MYCBPAP: variants seen among roughly 807,000 people sequenced by gnomAD.
MYCBPAP encodes the protein MYCBP-associated protein.
MYCBPAP carries 60 observed loss-of-function variants against 106.1 expected under a neutral mutation model. That is an observed-to-expected ratio of 0.57 (90% CI 0.46 to 0.70). The LOEUF is 0.70. MYCBPAP is among the 30% of genes least tolerant of loss of function. The pLI, the probability that MYCBPAP is intolerant of heterozygous loss-of-function variation, is 0.00. For missense variants in MYCBPAP, 1,064 were observed against 1,169.3 expected (o/e 0.91, Z 1.31); for synonymous variants, 407 against 440.6 (o/e 0.92, Z 0.95).
chr17:50,519,125 G>C lies in MYCBPAP; in HGVS notation c.768+36G>C, dbSNP rs199740955. On this transcript the variant is annotated intron_variant, in intron 6 of 18. Coordinates refer to ENST00000323776, the MANE Select transcript of MYCBPAP (RefSeq NM_032133.6). Reference sequence around the variant, plus strand: ...CTGTCCTAAGTGCCCGGGGGCAGGGGGGTCCATGGAGGAGGGGGCGGGGGC... The same window carrying C: ...CTGTCCTAAGTGCCCGGGGGCAGGGCGGTCCATGGAGGAGGGGGCGGGGGC... 4.6e-5 allele frequency: 70 copies of C among 1,511,310 alleles called. No individual in the cohort carries two copies. In the African/African-American group the frequency reaches 7.1e-4, roughly 15 times the overall value. The allele number at this position is 1,511,310 out of a possible 1,614,324, so 93.6% of individuals were successfully genotyped here.
intron 4 of MYCBPAP, among the ~76,000 whole-genome samples, chr17:50,518,043 C>T (rs2034116659): frequency 1.3e-5 from 2 of 152,262 alleles, no homozygotes; most frequent in Admixed American, 1.3e-4. Context: ...TTTCCCTTCT[C>T]TGGAGACTGG....
chr17:50,528,917 G>T (rs1597850711), intron 17 of MYCBPAP, 77 bp downstream of exon 17: 2 of 1,599,652 alleles, frequency 1.3e-6, no homozygotes, highest in East Asian at 4.5e-5. Flanking sequence ...GGCTGTGGAG[G>T]TGGGCATGTG....
chr17:50,508,499 A>T lies in MYCBPAP; in HGVS notation c.-176A>T, dbSNP rs1332647132. ...CGGCGGCGGGCGCGTGCGCGGCCCG[A>T]TGAAGAAGGAGGTTTCCAAGCCGTC... On this transcript the variant is annotated 5_prime_UTR_variant, in exon 1 of 19. An upstream start codon of the reference 5' UTR is lost. Transcript: ENST00000323776. The T allele has an allele frequency of 1.3e-6, 2 of 1,511,560 alleles. No homozygotes were observed. The highest frequency in any genetic ancestry group is 1.4e-5 in the African/African-American group (1 of 70,296). 93.6% of individuals were successfully genotyped at this position (1,511,560 alleles called of 1,614,324 possible). A position where few individuals can be genotyped will look rare whatever the true frequency, so the allele number is the denominator to read the frequency against.
Position 50,531,356 on chromosome 17 carries a change from T to G in MYCBPAP, c.2754T>G (p.Thr918=), listed in dbSNP as rs1064055. 2.4e-5 allele frequency: 38 copies of G among 1,612,590 alleles called. No homozygotes were observed. The highest frequency in any genetic ancestry group is 3.1e-5 in the Non-Finnish European group (36 of 1,179,448). ...EVRGLLDTLV[T]DLMVLADELS... ...GTGGGCTGCTGGACACCCTGGTGAC[T>G]GACCTGATGGTCCTGGCTGATGAGC... Residue 918 remains threonine (T), a synonymous_variant, in exon 19 of 19, where the codon ACT becomes ACG. Coordinates refer to ENST00000323776, the MANE Select transcript of MYCBPAP (RefSeq NM_032133.6).
intron 1 of MYCBPAP, among the ~76,000 whole-genome samples, chr17:50,513,824 T>C (rs1167071434): frequency 3.3e-5 from 5 of 152,194 alleles, no homozygotes; most frequent in East Asian, 1.9e-4. Context: ...CCACCCACTT[T>C]GGTGAGTTTG....
intron 13 of MYCBPAP, among the ~76,000 whole-genome samples, chr17:50,525,499 T>A (rs1413369644): frequency 6.6e-6 from 1 of 152,064 alleles, no homozygotes; most frequent in Non-Finnish European, 1.5e-5. Context: ...TTTATTTTTT[T>A]AAGAAATAGC....
At chr17:50,519,618 C>T in intron 6 of MYCBPAP, 22 bp from the exon 7 acceptor site, 1 of 1,613,626 alleles carries the variant, frequency 6.2e-7, no homozygotes, top group Non-Finnish European at 8.5e-7. Flanking sequence ...GGTAATCTGA[C>T]TCACCTTTCC....
At chr17:50,508,248 C>A (rs945830042), upstream of MYCBPAP, 4 of 331,208 alleles carry the variant, frequency 1.2e-5, no homozygotes, top group African/African-American at 6.6e-5. Flanking sequence ...GACGCCCCAC[C>A]CGCCCCCCGT....
chr17:50,516,344 G>A (rs574675541), intron 1 of MYCBPAP, among the ~76,000 whole-genome samples: 7 of 152,284 alleles, frequency 4.6e-5, no homozygotes, highest in South Asian at 2.1e-4. Context: ...TAGTCACTGT[G>A]GTGAGCCAGG....
Position 50,508,594 on chromosome 17 carries a change from C to G in MYCBPAP, c.-81C>G. On this transcript the variant is annotated 5_prime_UTR_variant, in exon 1 of 19. Transcript: ENST00000323776. ...CGGTTGCTGTGGACGCAGTGGCGGC[C>G]GTTGGCTGGCGGGTGCGGCGCAGCC... The G allele has an allele frequency of 6.4e-7, 1 of 1,557,014 alleles. No individual in the cohort carries two copies. Among genetic ancestry groups the G allele is most frequent in the South Asian group, 1.2e-5 (1 of 86,272 alleles).
At chr17:50,519,217 A>G in intron 6 of MYCBPAP, 128 bp downstream of exon 6, 1 of 651,872 alleles carries the variant, frequency 1.5e-6, no homozygotes, top group Non-Finnish European at 2.7e-6. Flanking sequence ...TATCCATTGC[A>G]AAACATCATT....
rs34394477 is a variant in MYCBPAP, at chr17:50,519,706, A to G, written c.835A>G (p.Met279Val). The change falls in exon 7 of 19, where the codon ATG becomes GTG. Residue 279 changes from methionine to valine, a missense_variant. Coordinates refer to ENST00000323776, the MANE Select transcript of MYCBPAP (RefSeq NM_032133.6). ...YLGDEMTGLV[M>V]TKTKTQRGLM... ...GGGAGATGAGATGACAGGTCTGGTC[A>G]TGACCAAGACAAAAACTCAGCGTGG... The G allele has an allele frequency of 1.5e-4, 244 of 1,614,202 alleles. No individual in the cohort carries two copies. In the African/African-American group the frequency reaches 3.0e-3, roughly 20 times the overall value.
upstream of MYCBPAP, chr17:50,508,400 C>T: frequency 1.5e-6 from 1 of 689,162 alleles, no homozygotes; most frequent in South Asian, 2.3e-5. Context: ...CGTCACGGCG[C>T]TCGTCGGCGC....
At chr17:50,519,904 G>A (rs1252198032) in intron 7 of MYCBPAP, 117 bp downstream of exon 7, 3 of 1,176,104 alleles carry the variant, frequency 2.6e-6, no homozygotes, top group Non-Finnish European at 3.5e-6. Context: ...TTTCTCTGTG[G>A]TTCTCTGGGG....
At chr17:50,512,179 G>A (rs572587439) in intron 1 of MYCBPAP, among the ~76,000 whole-genome samples, 27 of 150,720 alleles carry the variant, frequency 1.8e-4, no homozygotes, top group African/African-American at 5.1e-4. Flanking sequence ...TCAGCCTCCC[G>A]AGTAGCTGGG....
In MYCBPAP at chr17:50,525,768, G is replaced by A; in HGVS notation, c.1783-113G>A. The A allele has an allele frequency of 1.8e-5, 24 of 1,322,888 alleles. No homozygotes were observed. The South Asian group carries it at 3.3e-4, about 18-fold the overall frequency. 81.9% of individuals were successfully genotyped at this position (1,322,888 alleles called of 1,614,324 possible). A position where few individuals can be genotyped will look rare whatever the true frequency, so the allele number is the denominator to read the frequency against. On this transcript the variant is annotated intron_variant, in intron 13 of 18. Coordinates refer to ENST00000323776, the MANE Select transcript of MYCBPAP (RefSeq NM_032133.6). ...GGCTTCCCAAAGCACTGGGATTGCAGGCTTGAGCCACTGTGCCTGGCCCTT... is the reference window on the plus strand; with the variant it reads ...GGCTTCCCAAAGCACTGGGATTGCAAGCTTGAGCCACTGTGCCTGGCCCTT...
chr17:50,524,711 C>CT (rs536297260), intron 12 of MYCBPAP, among the ~76,000 whole-genome samples, 166 bp from the exon 13 acceptor site: 10 of 138,920 alleles, frequency 7.2e-5, no homozygotes, highest in African/African-American at 2.9e-4. Flanking sequence ...TTAGAACAGG[C>CT]GTGTGTGTGT....
intron 1 of MYCBPAP, 100 bp downstream of exon 1, chr17:50,508,850 A>G: frequency 5.7e-6 from 6 of 1,061,488 alleles, no homozygotes; most frequent in South Asian, 5.4e-5. Context: ...GGATGGCACC[A>G]GGGATGGAGG....
chr17:50,517,600 G>A lies in MYCBPAP; in HGVS notation c.370G>A (p.Gly124Ser), dbSNP rs766370500. Reference protein sequence around the residue: ...ATKPLDYSGPGDSFDGSDQIL... With the variant: ...ATKPLDYSGPSDSFDGSDQIL... Reference sequence around the variant, plus strand: ...TTCTTCTTTTATCCTCCCAGGTCCCGGTGACAGCTTCGATGGCAGTGACCA... The same window carrying A: ...TTCTTCTTTTATCCTCCCAGGTCCCAGTGACAGCTTCGATGGCAGTGACCA... Residue 124 changes from glycine to serine, a missense_variant, in exon 4 of 19, where the codon GGT becomes AGT. Transcript: ENST00000323776. 4.0e-5 allele frequency: 64 copies of A among 1,614,082 alleles called. No homozygotes were observed. Among genetic ancestry groups the A allele is most frequent in the African/African-American group, 1.1e-4 (8 of 75,018 alleles).
Sources: allele counts gnomAD v4.1 joint callset (sites outside exome capture counted in the v4.1 genomes callset), GRCh38; gene constraint gnomAD v4.1.1; transcripts MANE v1.5; gene names NCBI Gene and HGNC (gene_info 2026-07-23, HGNC 2026-07-21).